SNAPC1: variants seen among roughly 807,000 people sequenced by gnomAD.
SNAPC1 encodes the protein small nuclear RNA activating complex polypeptide 1, also known as snRNA-activating protein complex subunit 1.
A neutral mutation model predicts 50.1 loss-of-function variants in SNAPC1; 42 were observed. That is an observed-to-expected ratio of 0.84 (90% CI 0.65 to 1.08). SNAPC1 has a LOEUF of 1.08. Ranked by LOEUF, SNAPC1 falls within the 50% of genes least tolerant of loss-of-function variation. The pLI is 0.00. For synonymous variants in SNAPC1, 164 were observed against 144.2 expected, an observed-to-expected ratio of 1.14 and a Z score of -0.98; for missense variants, 477 against 427.3, an observed-to-expected ratio of 1.12 and a Z score of -1.02.
intron 4 of SNAPC1, among the ~76,000 whole-genome samples, chr14:61,774,248 T>C (rs138257691): frequency 6.6e-6 from 1 of 151,934 alleles, no homozygotes; most frequent in Admixed American, 6.6e-5. Flanking sequence ...GCCATCCTCA[T>C]GCCTCAGGCT....
intron 1 of SNAPC1, among the ~76,000 whole-genome samples, chr14:61,765,963 A>C (rs1285324558): frequency 6.6e-6 from 1 of 152,206 alleles, no homozygotes; most frequent in East Asian, 1.9e-4. Flanking sequence ...GATTTAGTGC[A>C]AATCCCTGAG....
intron 1 of SNAPC1, among the ~76,000 whole-genome samples, chr14:61,764,566 TTAAG>T (rs1191439013): frequency 1.3e-5 from 2 of 152,180 alleles, no homozygotes; most frequent in African/African-American, 4.8e-5. Context: ...CTTAAAGAGG[TTAAG>T]TAATTTCTCC....
rs74950370 is a variant in SNAPC1, at chr14:61,773,340, T to C, written c.535-2755T>C. On this transcript the variant is annotated intron_variant, in intron 4 of 9. Transcript: ENST00000216294. The stretch of plus-strand genomic sequence containing the variant: ...ACCTGGAACTATGCTAGATGTTTTA[T>C]GTATGTTATCTCACTAATTATCATA... Among the ~76,000 whole-genome samples, 1,184 of 152,186 alleles carry C rather than the reference T, an allele frequency of 7.8e-3. 11 individuals carry two copies. Among genetic ancestry groups the C allele is most frequent in the African/African-American group, 0.026 (1,096 of 41,508 alleles).
At chr14:61,786,113 A>G (rs1258849744) in intron 8 of SNAPC1, among the ~76,000 whole-genome samples, 2 of 152,206 alleles carry the variant, frequency 1.3e-5, no homozygotes, top group Non-Finnish European at 2.9e-5. Flanking sequence ...AGAACTAAAG[A>G]CCAATATCCC....
At chr14:61,787,945 A>C (rs767099286) in intron 8 of SNAPC1, among the ~76,000 whole-genome samples, 2 of 152,254 alleles carry the variant, frequency 1.3e-5, no homozygotes, top group Non-Finnish European at 1.5e-5. Flanking sequence ...ACCTGAAAAA[A>C]AAATTTTTTA....
chr14:61,791,042 G>T (rs187889267), intron 8 of SNAPC1, among the ~76,000 whole-genome samples: 1 of 152,244 alleles, frequency 6.6e-6, no homozygotes, highest in African/African-American at 2.4e-5. Context: ...ATGGAGTCTT[G>T]CTCTGTCGCC....
At chr14:61,771,359 T>C (rs1469834277) in intron 4 of SNAPC1, among the ~76,000 whole-genome samples, 1 of 152,222 alleles carries the variant, frequency 6.6e-6, no homozygotes, top group Non-Finnish European at 1.5e-5. Flanking sequence ...CTAAGCTTCA[T>C]ACTCAGTTTT....
rs2045047457 is a variant in SNAPC1 at position 61,778,069 on chromosome 14, T to C, written c.694-3T>C. The stretch of plus-strand genomic sequence containing the variant: ...TGTGTATGTATCTTTTTTGCTCTTT[T>C]AGAATCCATCCTTAAAGTCAAAAAC... On this transcript the variant is annotated splice_polypyrimidine_tract_variant and splice_region_variant and intron_variant, in intron 5 of 9. Coordinates refer to ENST00000216294, the MANE Select transcript of SNAPC1 (RefSeq NM_003082.4). 2 of 1,556,162 alleles carry C rather than the reference T, an allele frequency of 1.3e-6. No homozygotes were observed. The highest frequency in any genetic ancestry group is 1.8e-6 in the Non-Finnish European group (2 of 1,135,834).
At chr14:61,765,970 TGA>T (rs2044945545) in intron 1 of SNAPC1, among the ~76,000 whole-genome samples, 1 of 152,328 alleles carries the variant, frequency 6.6e-6, no homozygotes, top group South Asian at 2.1e-4. Flanking sequence ...TGCAAATCCC[TGA>T]GAGTATTGGA....
At chr14:61,792,758 TTA>T (rs752163477) in intron 8 of SNAPC1, 47 bp from the exon 9 acceptor site, 3 of 1,068,320 alleles carry the variant, frequency 2.8e-6, no homozygotes, top group Non-Finnish European at 4.1e-6. Context: ...TTCTCAAAGA[TTA>T]TAATATTCTT....
At chr14:61,770,768 T>G (rs2044983613) in intron 4 of SNAPC1, among the ~76,000 whole-genome samples, 1 of 152,078 alleles carries the variant, frequency 6.6e-6, no homozygotes, top group Admixed American at 6.6e-5. Flanking sequence ...ATTCTCTCAC[T>G]CTGTAGCCCA....
At position 61,782,914 on chromosome 14, in the gene SNAPC1, CAAAA is replaced by C. The variant is rs201280894; in HGVS notation, c.976+521_976+524del. Among the ~76,000 whole-genome samples the C allele has an allele frequency of 9.9e-3, 1,468 of 148,646 alleles. 19 individuals carry two copies. Among genetic ancestry groups the C allele is most frequent in the Non-Finnish European group, 0.012 (778 of 67,270 alleles). On this transcript the variant is annotated intron_variant, in intron 8 of 9. Coordinates refer to ENST00000216294, the MANE Select transcript of SNAPC1 (RefSeq NM_003082.4). ...GAGCAAGACTCTCAAAACAAACAAA[CAAAA>C]AAAGAAATTTAGGCCTATACAGATT...
At chr14:61,770,708 T>C (rs1260518065) in intron 4 of SNAPC1, among the ~76,000 whole-genome samples, 1 of 152,148 alleles carries the variant, frequency 6.6e-6, no homozygotes, top group East Asian at 1.9e-4. Context: ...CCCCACCACA[T>C]TGTATGAAAA....
chr14:61,764,499 A>G (rs886869572), intron 1 of SNAPC1, among the ~76,000 whole-genome samples: 9 of 152,158 alleles, frequency 5.9e-5, no homozygotes, highest in African/African-American at 1.7e-4. Flanking sequence ...TTATTGCATA[A>G]GACAGTTATA....
intron 4 of SNAPC1, among the ~76,000 whole-genome samples, chr14:61,774,442 A>G (rs1254679): frequency 0.93 from 141,034 of 152,148 alleles, 66,179 homozygotes; most frequent in Non-Finnish European, 1. Flanking sequence ...GGACTTCCCC[A>G]TTGTCATCCA....
At chr14:61,767,588 T>C (rs566778054) in intron 3 of SNAPC1, among the ~76,000 whole-genome samples, 1 of 151,690 alleles carries the variant, frequency 6.6e-6, no homozygotes, top group South Asian at 2.1e-4. Flanking sequence ...CTCAGCCTTC[T>C]GAGTAGCTGG....
chr14:61,773,397 G>GTTTTTTT (rs58782943), intron 4 of SNAPC1, among the ~76,000 whole-genome samples: 2 of 99,310 alleles, frequency 2.0e-5, no homozygotes, highest in Admixed American at 1.2e-4. Flanking sequence ...TATTTCCTTA[G>GTTTTTTT]TTTTTTTTTT....
intron 8 of SNAPC1, among the ~76,000 whole-genome samples, chr14:61,788,772 T>A (rs1039587684): frequency 2.0e-5 from 3 of 152,210 alleles, no homozygotes; most frequent in Non-Finnish European, 4.4e-5. Context: ...AAATTTTAAA[T>A]GTACATGCTT....
At chr14:61,763,485 G>C (rs971572393) in intron 1 of SNAPC1, among the ~76,000 whole-genome samples, 1 of 85,468 alleles carries the variant, frequency 1.2e-5, no homozygotes, top group African/African-American at 3.8e-5. Context: ...TCCAGCAGCT[G>C]CTTTTTTTTT....
Sources: allele counts gnomAD v4.1 joint callset (sites outside exome capture counted in the v4.1 genomes callset), GRCh38; gene constraint gnomAD v4.1.1; transcripts MANE v1.5; gene names NCBI Gene and HGNC (gene_info 2026-07-23, HGNC 2026-07-21).